Variants in NEDD4 observed in about 807,000 individuals in gnomAD.
NEDD4 encodes the protein NEDD4 E3 ubiquitin protein ligase, also known as E3 ubiquitin-protein ligase NEDD4.
A neutral mutation model predicts 144.9 loss-of-function variants in NEDD4; 99 were observed. The ratio of observed to expected loss-of-function variants is 0.68; its 90% confidence interval spans 0.58 to 0.81. NEDD4 has a LOEUF of 0.81. Among genes scored for constraint, NEDD4 ranks in the 30% least tolerant of loss-of-function variants. NEDD4 has a pLI of 0.00. For synonymous variants in NEDD4, 318 were observed against 350.6 expected, an observed-to-expected ratio of 0.91 and a Z score of 1.04; for missense variants, 985 against 1,065.9, an observed-to-expected ratio of 0.92 and a Z score of 1.06.
chr15:55,833,102 A>G lies in NEDD4; in HGVS notation c.2433T>C (p.Ala811=), dbSNP rs1279278508. The G allele has an allele frequency of 1.2e-6, 2 of 1,601,834 alleles. No individual in the cohort carries two copies. Among genetic ancestry groups the G allele is most frequent in the South Asian group, 2.2e-5 (2 of 90,806 alleles). The change falls in exon 27 of 29, where the codon GCT becomes GCC. Residue 811 remains alanine, a splice_region_variant and synonymous_variant. Transcript: ENST00000435532. ...TTTTTTCTGAATCCATCATTAAAAC[A>G]GCCTGAATAAGATAAAAACATCATT... ...NHQVIQWFWK[A]VLMMDSEKRI...
Position 55,872,506 on chromosome 15 carries a change from T to C in NEDD4, c.343-30A>G, listed in dbSNP as rs544947435. On this transcript the variant is annotated intron_variant, in intron 6 of 28. Transcript: ENST00000435532. Reference sequence around the variant, plus strand: ...AATAAAATAGTGGGTTTTCAAAATATATCTATAACACCAAAAGCATGTACT... The same window carrying C: ...AATAAAATAGTGGGTTTTCAAAATACATCTATAACACCAAAAGCATGTACT... 1.5e-5 allele frequency: 15 copies of C among 1,009,908 alleles called. No homozygotes were observed. The East Asian group carries it at 3.6e-4, about 24-fold the overall frequency. 62.6% of individuals were successfully genotyped at this position (1,009,908 alleles called of 1,614,324 possible).
At chr15:55,968,452 G>A (rs2142333302) in intron 1 of NEDD4, among the ~76,000 whole-genome samples, 1 of 151,666 alleles carries the variant, frequency 6.6e-6, no homozygotes, top group African/African-American at 2.4e-5. Flanking sequence ...AAAAAACAAG[G>A]GGATATTTTA....
At chr15:55,915,419 G>T in intron 5 of NEDD4, 1 of 1,613,794 alleles carries the variant, frequency 6.2e-7, no homozygotes, top group East Asian at 2.2e-5. Context: ...TGTGCTTAAG[G>T]CTGGATAGAC....
intron 4 of NEDD4, among the ~76,000 whole-genome samples, chr15:55,944,576 T>G (rs1363621808): frequency 6.6e-6 from 1 of 152,198 alleles, no homozygotes; most frequent in East Asian, 1.9e-4. Flanking sequence ...CTGAACAAAA[T>G]GCAGCAGAAA....
chr15:55,927,571 A>G (rs1188996656), intron 4 of NEDD4, among the ~76,000 whole-genome samples: 4 of 152,154 alleles, frequency 2.6e-5, no homozygotes, highest in African/African-American at 9.7e-5. Context: ...ATATTTTTGC[A>G]TTAGACACTG....
intron 5 of NEDD4, among the ~76,000 whole-genome samples, chr15:55,881,231 T>C (rs568944155): frequency 2.6e-5 from 4 of 151,376 alleles, no homozygotes; most frequent in African/African-American, 9.7e-5. Context: ...AACCTCTACC[T>C]CCCGGGTTCC....
chr15:55,869,395 T>C (rs2034694468), intron 8 of NEDD4, among the ~76,000 whole-genome samples, 184 bp downstream of exon 8: 1 of 152,228 alleles, frequency 6.6e-6, no homozygotes, highest in Non-Finnish European at 1.5e-5. Flanking sequence ...CCATCAATAA[T>C]GGCCATTCCT....
intron 1 of NEDD4, among the ~76,000 whole-genome samples, chr15:55,986,503 A>G (rs1409702416): frequency 2.6e-5 from 4 of 151,490 alleles, no homozygotes; most frequent in Non-Finnish European, 4.4e-5. Context: ...TGACCTGAAC[A>G]TGGTCATCAA....
At chr15:55,886,651 G>A (rs1595798339) in intron 5 of NEDD4, among the ~76,000 whole-genome samples, 5 of 151,684 alleles carry the variant, frequency 3.3e-5, no homozygotes, top group South Asian at 2.1e-4. Flanking sequence ...CCAGCTACTC[G>A]GGAGGCTGAG....
At chr15:55,874,790 A>G (rs1330390377) in intron 5 of NEDD4, among the ~76,000 whole-genome samples, 2 of 152,146 alleles carry the variant, frequency 1.3e-5, no homozygotes, top group Admixed American at 1.3e-4. Flanking sequence ...CCTGACCAAC[A>G]CGGTGAAACC....
chr15:55,852,251 C>T (rs527743313), intron 13 of NEDD4, among the ~76,000 whole-genome samples, 173 bp downstream of exon 13: 1 of 151,222 alleles, frequency 6.6e-6, no homozygotes, highest in Non-Finnish European at 1.5e-5. Flanking sequence ...GCCACGATCA[C>T]GCCATTGGAC....
chr15:55,947,820 T>A (rs1187574909), intron 4 of NEDD4, among the ~76,000 whole-genome samples: 1 of 152,108 alleles, frequency 6.6e-6, no homozygotes, highest in East Asian at 1.9e-4. Context: ...TAAGAGCTAT[T>A]TATGACAAAC....
At chr15:55,950,937 A>C (rs2037227420) in intron 4 of NEDD4, among the ~76,000 whole-genome samples, 1 of 152,186 alleles carries the variant, frequency 6.6e-6, no homozygotes, top group South Asian at 2.1e-4. Flanking sequence ...AGGAATTGGA[A>C]ATAACTGCTG....
intron 18 of NEDD4, among the ~76,000 whole-genome samples, chr15:55,845,263 C>T (rs62046649): frequency 0.093 from 14,127 of 152,074 alleles, 720 homozygotes; most frequent in Middle Eastern, 0.15. Context: ...TCTCTTAATT[C>T]TCTTAGTCAC....
chr15:55,879,743 A>G (rs1490058410), intron 5 of NEDD4, among the ~76,000 whole-genome samples: 4 of 152,198 alleles, frequency 2.6e-5, no homozygotes, highest in Admixed American at 6.5e-5. Context: ...AGGACAAGAA[A>G]TATCTCTTAG....
intron 5 of NEDD4, among the ~76,000 whole-genome samples, chr15:55,913,552 C>T (rs1226189765): frequency 6.6e-6 from 1 of 151,916 alleles, no homozygotes; most frequent in Non-Finnish European, 1.5e-5. Context: ...CAATTTAAAT[C>T]TCCAGCAAAC....
At chr15:55,947,515 A>G (rs1453455471) in intron 4 of NEDD4, among the ~76,000 whole-genome samples, 1 of 152,224 alleles carries the variant, frequency 6.6e-6, no homozygotes. Flanking sequence ...AAATTGAGAC[A>G]ATAATTAATA....
intron 5 of NEDD4, among the ~76,000 whole-genome samples, chr15:55,885,286 A>G (rs1318976141): frequency 6.6e-6 from 1 of 152,228 alleles, no homozygotes; most frequent in Non-Finnish European, 1.5e-5. Flanking sequence ...GACCTGTCCT[A>G]CAAGAAATGC....
chr15:55,964,773 C>T (rs1296050240), intron 2 of NEDD4, among the ~76,000 whole-genome samples: 1 of 147,984 alleles, frequency 6.8e-6, no homozygotes, highest in Non-Finnish European at 1.5e-5. Flanking sequence ...TCCTTCAAAC[C>T]GCATGTTGAA....
Sources: allele counts gnomAD v4.1 joint callset (sites outside exome capture counted in the v4.1 genomes callset), GRCh38; gene constraint gnomAD v4.1.1; transcripts MANE v1.5; gene names NCBI Gene and HGNC (gene_info 2026-07-23, HGNC 2026-07-21).